The following PXDNL variants were observed in gnomAD, a reference collection of about 807,000 sequenced individuals.
PXDNL encodes peroxidasin like, also known as probable oxidoreductase PXDNL.
PXDNL carries 145 observed loss-of-function variants against 150.8 expected under a neutral mutation model. The ratio of observed to expected loss-of-function variants is 0.96; its 90% CI spans 0.84 to 1.10. PXDNL has a LOEUF of 1.10. Ranked by LOEUF, PXDNL falls within the 50% of genes least tolerant of loss-of-function variation. The pLI, the probability that PXDNL is intolerant of heterozygous loss-of-function variation, is 0.00. For missense variants in PXDNL, 2,087 were observed against 1,873.9 expected (o/e 1.11, Z -2.10); for synonymous variants, 757 against 725.7 (o/e 1.04, Z -0.69).
intron 1 of PXDNL, among the ~76,000 whole-genome samples, chr8:51,735,753 A>C (rs1817025593): frequency 1.3e-5 from 2 of 150,528 alleles, no homozygotes; most frequent in Non-Finnish European, 1.5e-5. Flanking sequence ...TCACCGTTTT[A>C]GCCGGGATGG....
At chr8:51,564,012 C>A (rs555917717) in intron 3 of PXDNL, among the ~76,000 whole-genome samples, 18 of 151,974 alleles carry the variant, frequency 1.2e-4, no homozygotes, top group African/African-American at 4.3e-4. Context: ...ATCTAAAAGT[C>A]ATGAAAAAAT....
chr8:51,765,782 C>T (rs1201058197), intron 1 of PXDNL, among the ~76,000 whole-genome samples: 3 of 151,806 alleles, frequency 2.0e-5, no homozygotes, highest in Admixed American at 6.6e-5. Context: ...CTCTATTTCT[C>T]CATTACTGCC....
chr8:51,547,358 G>T (rs956321546), intron 4 of PXDNL, among the ~76,000 whole-genome samples: 1 of 152,166 alleles, frequency 6.6e-6, no homozygotes, highest in African/African-American at 2.4e-5. Context: ...CCATGTGACA[G>T]CTTCACCACT....
chr8:51,625,686 A>C (rs1814348579), intron 2 of PXDNL, among the ~76,000 whole-genome samples: 1 of 152,240 alleles, frequency 6.6e-6, no homozygotes, highest in Admixed American at 6.5e-5. Context: ...CAAGTTGGTA[A>C]GTTGGAAAGA....
At chr8:51,807,752 A>T (rs4607598) in intron 1 of PXDNL, among the ~76,000 whole-genome samples, 149,667 of 152,324 alleles carry the variant, frequency 0.98, 73,576 homozygotes, top group East Asian at 1. Context: ...GTCTAATGCA[A>T]GCTAATCTCT....
At chr8:51,565,182 G>A (rs1185287821) in intron 3 of PXDNL, among the ~76,000 whole-genome samples, 2 of 151,650 alleles carry the variant, frequency 1.3e-5, no homozygotes, top group African/African-American at 4.8e-5. Flanking sequence ...CTTCCTGTGG[G>A]AGGTCGTAGC....
At chr8:51,457,173 T>A (rs1338086539) in intron 9 of PXDNL, among the ~76,000 whole-genome samples, 9 of 152,214 alleles carry the variant, frequency 5.9e-5, no homozygotes, top group Non-Finnish European at 1.2e-4. Context: ...GATGAATGAA[T>A]GATTGAATGA....
chr8:51,356,768 T>G (rs1179384451), intron 19 of PXDNL, among the ~76,000 whole-genome samples: 1 of 152,186 alleles, frequency 6.6e-6, no homozygotes, highest in Non-Finnish European at 1.5e-5. Flanking sequence ...TTTTCCCTTT[T>G]CCTTAAAAGA....
rs145622331 is a variant in PXDNL, at chr8:51,665,490, G to T, written c.165-10730C>A. Among the ~76,000 whole-genome samples, 329 of 152,234 alleles carry T rather than the reference G, an allele frequency of 2.2e-3. 1 individual carries two copies. The highest frequency in any genetic ancestry group is 7.7e-3 in the African/African-American group (320 of 41,528). On this transcript the variant is annotated intron_variant, in intron 1 of 22. Coordinates refer to ENST00000356297, the MANE Select transcript of PXDNL (RefSeq NM_144651.5). ...CATGTTGTCATTGTCTCCTAACAGT[G>T]TCTCTGTTCCCACCCAACACAGGCA...
At chr8:51,748,385 C>T (rs1243341901) in intron 1 of PXDNL, among the ~76,000 whole-genome samples, 2 of 152,136 alleles carry the variant, frequency 1.3e-5, no homozygotes, top group East Asian at 1.9e-4. Flanking sequence ...TCTTTCTGTT[C>T]ATTGACATGG....
chr8:51,580,173 G>A lies in PXDNL; in HGVS notation c.308+12454C>T, dbSNP rs530747723. Among the ~76,000 whole-genome samples the A allele has an allele frequency of 4.6e-5, 7 of 152,094 alleles. No individual in the cohort carries two copies. In the South Asian group the frequency reaches 6.2e-4, roughly 14 times the overall value. On this transcript the variant is annotated intron_variant, in intron 3 of 22. Transcript: ENST00000356297. ...GAAGAAGGTGTGGGCAGAGGGAAGC[G>A]AATGCAGCTATAAAAGAGCAACATG...
chr8:51,360,591 A>G (rs1806701442), intron 19 of PXDNL, among the ~76,000 whole-genome samples: 2 of 152,214 alleles, frequency 1.3e-5, no homozygotes, highest in African/African-American at 2.4e-5. Context: ...ACACATACAT[A>G]CGCATGTTGT....
At chr8:51,495,818 C>A (rs1463677811) in intron 5 of PXDNL, among the ~76,000 whole-genome samples, 1 of 152,102 alleles carries the variant, frequency 6.6e-6, no homozygotes, top group Non-Finnish European at 1.5e-5. Context: ...AGGCCAGGAC[C>A]AGAAGGAGTC....
chr8:51,695,298 T>G (rs1156781042), intron 1 of PXDNL, among the ~76,000 whole-genome samples: 1 of 152,220 alleles, frequency 6.6e-6, no homozygotes, highest in African/African-American at 2.4e-5. Flanking sequence ...ATGCTTAGTT[T>G]CTCATTTAAT....
chr8:51,445,156 G>A (rs1809646576), intron 12 of PXDNL, among the ~76,000 whole-genome samples: 1 of 152,110 alleles, frequency 6.6e-6, no homozygotes, highest in African/African-American at 2.4e-5. Context: ...CTGATCTCAG[G>A]TGATCCACTA....
chr8:51,488,677 A>C (rs540571849), intron 5 of PXDNL, among the ~76,000 whole-genome samples: 4 of 152,344 alleles, frequency 2.6e-5, no homozygotes, highest in Non-Finnish European at 5.9e-5. Flanking sequence ...CCAAAGGGAA[A>C]ATTTTGTAAG....
At chr8:51,664,390 T>C (rs1352640074) in intron 1 of PXDNL, among the ~76,000 whole-genome samples, 1 of 152,116 alleles carries the variant, frequency 6.6e-6, no homozygotes, top group African/African-American at 2.4e-5. Flanking sequence ...TAATTCACAG[T>C]TTTAGGATCA....
chr8:51,668,542 GAGA>G lies in PXDNL; in HGVS notation c.165-13785_165-13783del, dbSNP rs376346256. 4.5e-4 allele frequency among the ~76,000 whole-genome samples: 69 copies of G among 152,232 alleles called. No individual in the cohort carries two copies. In the East Asian group the frequency reaches 0.01, roughly 23 times the overall value. On this transcript the variant is annotated intron_variant, in intron 1 of 22. Transcript: ENST00000356297. ...GCTAAAAGGAGAAAAGCACTCTTACGAGAAGGATTTTGCTTAACCTATGGTTTC... is the reference window on the plus strand; with the variant it reads ...GCTAAAAGGAGAAAAGCACTCTTACGAGGATTTTGCTTAACCTATGGTTTC...
At chr8:51,511,713 T>A (rs980221891) in intron 4 of PXDNL, among the ~76,000 whole-genome samples, 1 of 152,008 alleles carries the variant, frequency 6.6e-6, no homozygotes, top group African/African-American at 2.4e-5. Context: ...GGAACATCAA[T>A]CACCAACCAA....
Sources: allele counts gnomAD v4.1 joint callset (sites outside exome capture counted in the v4.1 genomes callset), GRCh38; gene constraint gnomAD v4.1.1; transcripts MANE v1.5; gene names NCBI Gene and HGNC (gene_info 2026-07-23, HGNC 2026-07-21).